LRRC66: variants seen among roughly 807,000 people sequenced by gnomAD.
LRRC66 encodes leucine-rich repeat-containing protein 66.
A neutral mutation model predicts 24.6 loss-of-function variants in LRRC66; 29 were observed. The observed-to-expected ratio is 1.18, with a 90% CI of 0.88 to 1.61. The LOEUF (loss-of-function observed/expected upper bound fraction) is 1.61, where lower values mean the gene tolerates loss of function less well. LRRC66 is among the 40% of genes most tolerant of loss of function. LRRC66 has a pLI of 0.00. For missense variants in LRRC66, 1,124 were observed against 1,058.0 expected (o/e 1.06, Z -0.87); for synonymous variants, 411 against 397.6 (o/e 1.03, Z -0.40).
At chr4:52,001,697 CT>C in intron 3 of LRRC66, among the ~76,000 whole-genome samples, 1 of 152,294 alleles carries the variant, frequency 6.6e-6, no homozygotes, top group Non-Finnish European at 1.5e-5. Context: ...GTGGCCGAGG[CT>C]AGGTTTAAGC....
intron 1 of LRRC66, among the ~76,000 whole-genome samples, chr4:52,019,411 T>G (rs1425207477): frequency 6.6e-6 from 1 of 152,236 alleles, no homozygotes; most frequent in Non-Finnish European, 1.5e-5. Flanking sequence ...GTTTTACATT[T>G]TTAATAGTCT....
intron 2 of LRRC66, among the ~76,000 whole-genome samples, chr4:52,007,223 G>C (rs1433259025): frequency 6.6e-6 from 1 of 152,148 alleles, no homozygotes; most frequent in East Asian, 1.9e-4. Flanking sequence ...TCTGTCACCA[G>C]GCTGAAATGC....
At chr4:52,009,925 G>T (rs906518013) in intron 2 of LRRC66, among the ~76,000 whole-genome samples, 1 of 151,994 alleles carries the variant, frequency 6.6e-6, no homozygotes, top group African/African-American at 2.4e-5. Context: ...CATGAACATA[G>T]GTGTAAAATT....
At position 51,995,997 on chromosome 4, in the gene LRRC66, C is replaced by G. The variant is rs17081784; in HGVS notation, c.1025G>C (p.Gly342Ala). The G allele has an allele frequency of 5.7e-3, 9,225 of 1,613,938 alleles. 420 individuals are homozygous for G. The African/African-American group carries it at 0.1, about 18-fold the overall frequency. ...ISTLGKKAKA[G>A]SGLRKKQRRL... Reference sequence around the variant, plus strand: ...TCTCTGCTTCTTCCTGAGACCAGAGCCGGCCTTTGCCTTCTTCCCCAGAGT... The same window carrying G: ...TCTCTGCTTCTTCCTGAGACCAGAGGCGGCCTTTGCCTTCTTCCCCAGAGT... Residue 342 changes from glycine (G) to alanine (A), a missense_variant, in exon 5 of 5, where the codon GGC (glycine) becomes GCC (alanine). By Grantham distance (60) the Gly-to-Ala change is moderately conservative (BLOSUM62 0). Transcript: ENST00000682860.
At chr4:52,009,171 T>C (rs1394825565) in intron 2 of LRRC66, among the ~76,000 whole-genome samples, 2 of 152,068 alleles carry the variant, frequency 1.3e-5, no homozygotes, top group East Asian at 1.9e-4. Flanking sequence ...AAAATCAAAA[T>C]AGAAATAATT....
chr4:52,008,700 G>A (rs746666265), intron 2 of LRRC66, among the ~76,000 whole-genome samples: 5 of 152,096 alleles, frequency 3.3e-5, no homozygotes, highest in African/African-American at 9.6e-5. Context: ...AAAAACAAAG[G>A]CAAATAAAGA....
chr4:52,020,146 AG>A (rs558926909), intron 1 of LRRC66, among the ~76,000 whole-genome samples, 157 bp downstream of exon 1: 70 of 152,312 alleles, frequency 4.6e-4, no homozygotes, highest in Non-Finnish European at 8.2e-4. Flanking sequence ...AGTGAAAGAT[AG>A]GAAGAAGGCA....
At position 52,017,324 on chromosome 4, in the gene LRRC66, A is replaced by T. The variant is rs1489033592; in HGVS notation, c.290T>A (p.Ile97Lys). The T allele has an allele frequency of 6.2e-7, 1 of 1,614,144 alleles. No individual in the cohort carries two copies. The highest frequency in any genetic ancestry group is 1.1e-5 in the South Asian group (1 of 91,082). Residue 97 changes from isoleucine (I) to lysine (K), a missense_variant, in exon 2 of 5, where the codon ATA (isoleucine) becomes AAA (lysine). Transcript: ENST00000682860. ...IKHLDLSNNL[I>K]SKITLSPFAY... ...AAAAGGGCTTAAGGTTATTTTTGAT[A>T]TGAGATTGTTACTGAGGTCCAGATG...
At chr4:52,003,474 CA>C in intron 2 of LRRC66, 82 bp from the exon 3 acceptor site, 1 of 1,213,624 alleles carries the variant, frequency 8.2e-7, no homozygotes, top group Admixed American at 2.1e-5. Flanking sequence ...AAATTGGAGA[CA>C]ACATTAAGAG....
In LRRC66 at chr4:51,995,477, G is replaced by C. The variant is rs763339067; in HGVS notation, c.1545C>G (p.Ala515=). 10 of 1,613,968 alleles carry C rather than the reference G, an allele frequency of 6.2e-6. No individual in the cohort carries two copies. The highest frequency in any genetic ancestry group is 5.0e-5 in the Admixed American group (3 of 59,994). The change falls in exon 5 of 5, where the codon GCC becomes GCG. Residue 515 remains alanine, a synonymous_variant. Coordinates refer to ENST00000682860, the MANE Select transcript of LRRC66 (RefSeq NM_001024611.3). ...VYSILQRHPH[A]GNRELMSAAQ... is the part of the protein sequence containing the mutation. ...CTGCTGACATTAGTTCACGGTTACC[G>C]GCATGTGGATGTCTCTGGAGAATGG...
rs1355994977 is a variant in LRRC66, at chr4:51,995,730, G to C, written c.1292C>G (p.Ala431Gly). The change falls in exon 5 of 5, where the codon GCT becomes GGT. Residue 431 changes from alanine (A) to glycine (G), a missense_variant. Coordinates refer to ENST00000682860, the MANE Select transcript of LRRC66 (RefSeq NM_001024611.3). ...SNEGFYDDMEAAGHTPHPETH... is the reference protein window; with the variant it reads ...SNEGFYDDMEGAGHTPHPETH... ...CTCTGGGTGTGGTGTGTGCCCCGCA[G>C]CTTCCATGTCATCGTAGAAGCCCTC... 2 of 1,614,010 alleles carry C rather than the reference G, an allele frequency of 1.2e-6. No individual in the cohort carries two copies. Among genetic ancestry groups the C allele is most frequent in the Non-Finnish European group, 8.5e-7 (1 of 1,180,024 alleles).
rs1182775998 is a variant in LRRC66 at position 52,017,418 on chromosome 4, C to A, written c.196G>T (p.Asp66Tyr). The change falls in exon 2 of 5, where the codon GAT becomes TAT. Residue 66 changes from aspartate to tyrosine, a missense_variant. Coordinates refer to ENST00000682860, the MANE Select transcript of LRRC66 (RefSeq NM_001024611.3). ...VDISQTAATV[D>Y]VSFNFFRVLL... Reference sequence around the variant, plus strand: ...ACTCTAAAGAAATTGAAACTTACATCCACAGTGGCTGCTGTCTGTGATATG... The same window carrying A: ...ACTCTAAAGAAATTGAAACTTACATACACAGTGGCTGCTGTCTGTGATATG... 3 of 1,614,126 alleles carry A rather than the reference C, an allele frequency of 1.9e-6. No homozygotes were observed. Among genetic ancestry groups the A allele is most frequent in the Non-Finnish European group, 2.5e-6 (3 of 1,180,000 alleles).
chr4:52,003,195 T>A (rs777799949), intron 3 of LRRC66, 28 bp downstream of exon 3: 26 of 1,568,902 alleles, frequency 1.7e-5, no homozygotes, highest in Non-Finnish European at 2.2e-5. Flanking sequence ...TCTTCCTTAT[T>A]CAAATATTAT....
rs1209888643 is a variant in LRRC66, at chr4:51,994,986, A to G, written c.2036T>C (p.Val679Ala). The G allele has an allele frequency of 5.0e-6, 8 of 1,614,148 alleles. No homozygotes were observed. Among genetic ancestry groups the G allele is most frequent in the South Asian group, 3.3e-5 (3 of 91,088 alleles). ...CACTGGTTCCTTGTTAGCAGGAGTG[A>G]CATCCAGGCCACTGTCCCATCTTGG... ...FPPRWDSGLD[V>A]TPANKEPVQK... The change falls in exon 5 of 5, where the codon GTC becomes GCC. Residue 679 changes from valine to alanine, a missense_variant. Transcript: ENST00000682860.
chr4:52,003,664 T>C (rs1257059321), intron 2 of LRRC66, among the ~76,000 whole-genome samples: 1 of 152,134 alleles, frequency 6.6e-6, no homozygotes, highest in African/African-American at 2.4e-5. Flanking sequence ...TGCAAACATA[T>C]ACATAGATTT....
chr4:52,007,922 C>A (rs1212460239), intron 2 of LRRC66, among the ~76,000 whole-genome samples: 1 of 152,032 alleles, frequency 6.6e-6, no homozygotes, highest in Non-Finnish European at 1.5e-5. Context: ...AGGGACGAGC[C>A]CTTGAGGAAT....
intron 1 of LRRC66, among the ~76,000 whole-genome samples, chr4:52,019,001 C>T (rs141697241): frequency 5.3e-5 from 8 of 152,250 alleles, no homozygotes; most frequent in African/African-American, 1.7e-4. Context: ...CTCAGCCTCC[C>T]GAGTAGCTGG....
At chr4:52,012,919 T>C (rs1736732629) in intron 2 of LRRC66, among the ~76,000 whole-genome samples, 1 of 152,222 alleles carries the variant, frequency 6.6e-6, no homozygotes, top group African/African-American at 2.4e-5. Flanking sequence ...TTCTGTACTA[T>C]GAACTTAAGT....
At chr4:51,999,144 G>A (rs1038792195) in intron 3 of LRRC66, among the ~76,000 whole-genome samples, 1 of 152,164 alleles carries the variant, frequency 6.6e-6, no homozygotes, top group African/African-American at 2.4e-5. Context: ...GAGGTTTGGG[G>A]AGAGGCACAT....
Sources: allele counts gnomAD v4.1 joint callset (sites outside exome capture counted in the v4.1 genomes callset), GRCh38; gene constraint gnomAD v4.1.1; transcripts MANE v1.5; gene names NCBI Gene and HGNC (gene_info 2026-07-23, HGNC 2026-07-21).